The following HFM1 variants were observed in gnomAD, a reference collection of about 807,000 sequenced individuals.
HFM1 encodes probable ATP-dependent DNA helicase HFM1.
Under a neutral mutation model 192.1 loss-of-function variants are expected in HFM1, and 169 were observed. The observed-to-expected ratio is 0.88, with a 90% CI of 0.78 to 1.00. HFM1 has a LOEUF of 1.00. HFM1 is among the 50% of genes least tolerant of loss of function. The pLI is 0.00. For missense variants in HFM1, 1,661 were observed against 1,668.0 expected (o/e 1.00, Z 0.07); for synonymous variants, 525 against 537.8 (o/e 0.98, Z 0.33).
At chr1:91,321,207 C>T (rs537097907) in intron 23 of HFM1, among the ~76,000 whole-genome samples, 9 of 152,246 alleles carry the variant, frequency 5.9e-5, no homozygotes, top group East Asian at 1.9e-4. Flanking sequence ...TTTGGGAGGC[C>T]GAGGCAGGTG....
intron 13 of HFM1, among the ~76,000 whole-genome samples, chr1:91,354,786 T>C (rs762772657): frequency 2.6e-5 from 4 of 152,038 alleles, no homozygotes; most frequent in Non-Finnish European, 4.4e-5. Context: ...CTCAGCCAGA[T>C]AAATAAAAGC....
In HFM1 at chr1:91,353,044, T is replaced by C. The variant is rs1275486373; in HGVS notation, c.1831+7A>G. ...TATAGTATCCACGAGAAATATGTTTTACTTACAAAGAACTGGTAAATCTCC... is the reference window on the plus strand; with the variant it reads ...TATAGTATCCACGAGAAATATGTTTCACTTACAAAGAACTGGTAAATCTCC... On this transcript the variant is annotated splice_region_variant and intron_variant, in intron 15 of 38. Transcript: ENST00000370425. 1.3e-6 allele frequency: 2 copies of C among 1,536,372 alleles called. No individual in the cohort carries two copies. The highest frequency in any genetic ancestry group is 2.3e-5 in the South Asian group (2 of 87,538).
chr1:91,305,077 A>G (rs1649406197), intron 30 of HFM1, among the ~76,000 whole-genome samples: 1 of 152,176 alleles, frequency 6.6e-6, no homozygotes, highest in Admixed American at 6.5e-5. Context: ...CAGCTTTGTA[A>G]CAAGTTTTGA....
At chr1:91,277,613 C>A (rs370855613) in intron 30 of HFM1, among the ~76,000 whole-genome samples, 4,960 of 50,744 alleles carry the variant, frequency 0.098, 511 homozygotes, top group African/African-American at 0.14. Flanking sequence ...TATATATATA[C>A]TATATACTAA....
At chr1:91,270,968 T>C (rs1666236634) in intron 34 of HFM1, among the ~76,000 whole-genome samples, 1 of 152,152 alleles carries the variant, frequency 6.6e-6, no homozygotes, top group Non-Finnish European at 1.5e-5. Flanking sequence ...GACTCTAGAA[T>C]TCTGTTTTTT....
At chr1:91,265,994 C>T (rs991438413) in intron 36 of HFM1, 23 bp downstream of exon 36, 2 of 1,586,972 alleles carry the variant, frequency 1.3e-6, no homozygotes, top group Non-Finnish European at 1.7e-6. Flanking sequence ...GCAAATATTA[C>T]AAACCTAAGT....
intron 13 of HFM1, among the ~76,000 whole-genome samples, chr1:91,373,690 C>A (rs981560548): frequency 1.3e-5 from 2 of 151,966 alleles, no homozygotes; most frequent in African/African-American, 2.4e-5. Flanking sequence ...GATACACCAA[C>A]TCATCCTTTG....
At chr1:91,376,892 T>C (rs898802265) in intron 11 of HFM1, among the ~76,000 whole-genome samples, 1 of 151,852 alleles carries the variant, frequency 6.6e-6, no homozygotes, top group Non-Finnish European at 1.5e-5. Flanking sequence ...ATCCTTTGAT[T>C]CAGTTAATTC....
chr1:91,327,970 G>C (rs557426470), intron 20 of HFM1, among the ~76,000 whole-genome samples: 2 of 152,090 alleles, frequency 1.3e-5, no homozygotes, highest in Non-Finnish European at 2.9e-5. Context: ...AGCAAAAGTA[G>C]TATGAAGAGG....
chr1:91,397,934 T>C (rs565471721), intron 2 of HFM1, among the ~76,000 whole-genome samples: 24 of 152,262 alleles, frequency 1.6e-4, no homozygotes, highest in Admixed American at 3.3e-4. Context: ...GGGCTAACAT[T>C]AACATAAGCA....
chr1:91,282,169 T>C (rs1013049475), intron 30 of HFM1, among the ~76,000 whole-genome samples: 1 of 152,226 alleles, frequency 6.6e-6, no homozygotes, highest in Non-Finnish European at 1.5e-5. Flanking sequence ...TGAACACTTA[T>C]AAGTTAGATA....
chr1:91,273,837 A>C (rs758178890), intron 33 of HFM1, 22 bp from the exon 34 acceptor site: 1 of 1,249,838 alleles, frequency 8.0e-7, no homozygotes, highest in Non-Finnish European at 1.1e-6. Context: ...TAAAACCATG[A>C]AAATGTTAAA....
intron 18 of HFM1, among the ~76,000 whole-genome samples, chr1:91,349,757 T>C (rs1190003496): frequency 6.6e-6 from 1 of 152,182 alleles, no homozygotes; most frequent in Non-Finnish European, 1.5e-5. Flanking sequence ...CCCAGATTCC[T>C]AACCCACATA....
At chr1:91,355,773 G>T (rs1657635461) in intron 13 of HFM1, among the ~76,000 whole-genome samples, 1 of 152,066 alleles carries the variant, frequency 6.6e-6, no homozygotes, top group African/African-American at 2.4e-5. Flanking sequence ...AATAGGAGGG[G>T]TCTTCAATAT....
At chr1:91,320,923 G>T (rs1008015796) in intron 23 of HFM1, among the ~76,000 whole-genome samples, 1 of 152,080 alleles carries the variant, frequency 6.6e-6, no homozygotes, top group Non-Finnish European at 1.5e-5. Flanking sequence ...GTATTGATTC[G>T]GTTAGAATTA....
At position 91,277,730 on chromosome 1, in the gene HFM1, ATATATATAATATATATACTT is replaced by A. The variant is rs1302655685; in HGVS notation, c.3392-688_3392-669del. 3.3e-5 allele frequency among the ~76,000 whole-genome samples: 4 copies of A among 122,368 alleles called. No homozygotes were observed. The Admixed American group carries it at 4.0e-4, about 12-fold the overall frequency. 80.3% of individuals were successfully genotyped at this position (122,368 alleles called of 152,430 possible). A position where few individuals can be genotyped will look rare whatever the true frequency, so the allele number is the denominator to read the frequency against. The stretch of plus-strand genomic sequence containing the variant: ...TATATACTTTATATAATATATACTA[ATATATATAATATATATACTT>A]TATATATAATATATACTAATATATA... On this transcript the variant is annotated intron_variant, in intron 30 of 38. Coordinates refer to ENST00000370425, the MANE Select transcript of HFM1 (RefSeq NM_001017975.6).
chr1:91,317,290 T>G (rs911375394), intron 25 of HFM1, among the ~76,000 whole-genome samples: 3 of 152,250 alleles, frequency 2.0e-5, no homozygotes, highest in Non-Finnish European at 4.4e-5. Context: ...GGCACATGCC[T>G]GTAATCCCAG....
intron 7 of HFM1, among the ~76,000 whole-genome samples, chr1:91,380,480 G>A (rs1198317643): frequency 6.6e-6 from 1 of 152,098 alleles, no homozygotes; most frequent in East Asian, 1.9e-4. Context: ...CTGGCTGAGT[G>A]CGATGGCTTA....
At chr1:91,384,607 G>C (rs891780690) in intron 6 of HFM1, among the ~76,000 whole-genome samples, 1 of 152,052 alleles carries the variant, frequency 6.6e-6, no homozygotes, top group African/African-American at 2.4e-5. Flanking sequence ...GTACCTATTT[G>C]TAAGTAAATA....
Sources: allele counts gnomAD v4.1 joint callset (sites outside exome capture counted in the v4.1 genomes callset), GRCh38; gene constraint gnomAD v4.1.1; transcripts MANE v1.5; gene names NCBI Gene and HGNC (gene_info 2026-07-23, HGNC 2026-07-21).